MYO15A: variants seen among roughly 807,000 people sequenced by gnomAD.
MYO15A encodes the protein unconventional myosin-XV.
Under a neutral mutation model 394.6 loss-of-function variants are expected in MYO15A, and 308 were observed. The ratio of observed to expected loss-of-function variants is 0.78; its 90% confidence interval spans 0.71 to 0.86. The LOEUF (loss-of-function observed/expected upper bound fraction) is 0.86, where lower values mean the gene tolerates loss of function less well. MYO15A is among the 40% of genes least tolerant of loss of function. The pLI is 0.00. For missense variants in MYO15A, 4,606 were observed against 4,799.1 expected, an observed-to-expected ratio of 0.96 and a Z score of 1.19; for synonymous variants, 1,957 against 2,003.8, an observed-to-expected ratio of 0.98 and a Z score of 0.62.
chr17:18,144,410 T>G, intron 28 of MYO15A, 87 bp from the exon 29 acceptor site: 1 of 1,262,278 alleles, frequency 7.9e-7, no homozygotes, highest in Non-Finnish European at 1.1e-6. Flanking sequence ...CTCATAGGCC[T>G]TGGAGCCCCA....
intron 22 of MYO15A, 130 bp from the exon 23 acceptor site, chr17:18,141,523 A>G (rs1232311202): frequency 4.5e-6 from 4 of 896,984 alleles, no homozygotes; most frequent in Non-Finnish European, 7.4e-6. Context: ...TCAGATTAGA[A>G]TAAACTATTT....
chr17:18,160,717 A>C (rs1255583343), intron 56 of MYO15A: 5 of 203,858 alleles, frequency 2.5e-5, no homozygotes, highest in Non-Finnish European at 4.1e-5. Flanking sequence ...AGGAAGCCCA[A>C]GTGTTGTTCC....
At chr17:18,122,779 G>C (rs529132012) in intron 2 of MYO15A, 2 of 239,488 alleles carry the variant, frequency 8.4e-6, no homozygotes, top group East Asian at 1.9e-4. Context: ...TGAAACTGCC[G>C]GACATGCCTA....
At chr17:18,140,748 T>A (rs1440336873) in intron 20 of MYO15A, 39 bp from the exon 21 acceptor site, 3 of 1,614,024 alleles carry the variant, frequency 1.9e-6, no homozygotes, top group Admixed American at 1.7e-5. Flanking sequence ...CGCCTTCTTT[T>A]TCTGAGGCCT....
chr17:18,130,766 T>C (rs745986102), intron 7 of MYO15A, 39 bp from the exon 8 acceptor site: 3 of 1,613,634 alleles, frequency 1.9e-6, no homozygotes, highest in South Asian at 1.1e-5. Context: ...ATTCTGTTCT[T>C]GTCTGTCTCT....
intron 8 of MYO15A, 48 bp downstream of exon 8, chr17:18,130,858 GTGTGTGTGTGTGTC>G (rs748633151): frequency 8.9e-5 from 137 of 1,532,370 alleles, no homozygotes; most frequent in African/African-American, 4.0e-4. Flanking sequence ...GTGTGTGTGT[GTGTGTGTGTGTGTC>G]TGTCCAGGAA....
In MYO15A at chr17:18,119,284, C is replaced by T. The variant is rs546203218; in HGVS notation, c.484C>T (p.Arg162Cys). 449 of 1,611,848 alleles carry T rather than the reference C, an allele frequency of 2.8e-4. 1 individual carries two copies. The highest frequency in any genetic ancestry group is 2.4e-3 in the South Asian group (222 of 91,072). Residue 162 changes from arginine to cysteine, a missense_variant, in exon 2 of 66, where the codon CGC (arginine) becomes TGC (cysteine). Arg to Cys is a radical substitution (Grantham distance 180). This residue lies in a region of MYO15A where 1,830 missense variants were observed against 1,689.7 expected (regional missense o/e 1.08). Coordinates refer to ENST00000647165, the MANE Select transcript of MYO15A (RefSeq NM_016239.4). ...EQATVDAWLQ[R>C]SSSRMGSRKL... is the part of the protein sequence containing the mutation. ...GGCCACAGTGGACGCCTGGCTGCAG[C>T]GCTCGAGCTCCCGCATGGGCTCCCG...
intron 64 of MYO15A, chr17:18,172,821 C>T: frequency 4.9e-6 from 1 of 205,350 alleles, no homozygotes; most frequent in South Asian, 7.9e-5. Flanking sequence ...TTCATTTTAA[C>T]TTAGTAACCT....
Position 18,166,397 on chromosome 17 carries a change from T to C in MYO15A, c.9824T>C (p.Ile3275Thr). 1 of 1,613,958 alleles carries C rather than the reference T, an allele frequency of 6.2e-7. No homozygotes were observed. Among genetic ancestry groups the C allele is most frequent in the Non-Finnish European group, 8.5e-7 (1 of 1,180,032 alleles). ...HVCPLSRRAYILDVASEMEQV... is the reference protein window; with the variant it reads ...HVCPLSRRAYTLDVASEMEQV... ...TGCCCACTCAGTCGCCGTGCTTACATCCTGGATGTGGCCTCAGAGATGGAG... is the reference window on the plus strand; with the variant it reads ...TGCCCACTCAGTCGCCGTGCTTACACCCTGGATGTGGCCTCAGAGATGGAG... Residue 3275 changes from isoleucine (I) to threonine (T), a missense_variant, in exon 61 of 66, where the codon ATC becomes ACC. Physicochemically the swap from Ile to Thr is moderately conservative, Grantham distance 89. Around this residue, in one of 2 missense-constraint regions of MYO15A, gnomAD observed 2,776 missense variants for 3,109.3 expected, o/e 0.89. Transcript: ENST00000647165.
At chr17:18,161,216 C>T (rs751644832) in intron 56 of MYO15A, 101 bp from the exon 57 acceptor site, 58 of 1,471,934 alleles carry the variant, frequency 3.9e-5, no homozygotes, top group Non-Finnish European at 5.4e-5. Flanking sequence ...GGGACAGGAG[C>T]TGCCTGAGAG....
At chr17:18,115,283 T>A (rs942251225) in intron 1 of MYO15A, among the ~76,000 whole-genome samples, 1 of 152,090 alleles carries the variant, frequency 6.6e-6, no homozygotes, top group Non-Finnish European at 1.5e-5. Context: ...TCACCCTCAC[T>A]CCTGCAGCCG....
In MYO15A at chr17:18,155,351, C is replaced by A; in HGVS notation, c.8378C>A (p.Ser2793Tyr). The A allele has an allele frequency of 6.2e-7, 1 of 1,613,794 alleles. No homozygotes were observed. ...ACTGGTGTGCAGCTCCTAGCTGTGT[C>A]CCACGTGGGCATCAAACTCCTGAGG... ...VGTGVQLLAV[S>Y]HVGIKLLRMV... Residue 2793 changes from serine to tyrosine, a missense_variant, in exon 47 of 66, where the codon TCC (serine) becomes TAC (tyrosine). Coordinates refer to ENST00000647165, the MANE Select transcript of MYO15A (RefSeq NM_016239.4).
At chr17:18,173,718 G>A (rs762606933) in intron 64 of MYO15A, 63 bp from the exon 65 acceptor site, 17 of 1,608,222 alleles carry the variant, frequency 1.1e-5, no homozygotes, top group East Asian at 4.5e-5. Context: ...CAGGGCAGGG[G>A]TAAGAGTGGT....
At position 18,118,921 on chromosome 17, in the gene MYO15A, C is replaced by T. The variant is rs200234990; in HGVS notation, c.121C>T (p.Arg41Cys). 1.2e-6 allele frequency: 2 copies of T among 1,613,752 alleles called. No individual in the cohort carries two copies. Among genetic ancestry groups the T allele is most frequent in the Admixed American group, 1.7e-5 (1 of 60,004 alleles). The change falls in exon 2 of 66, where the codon CGC becomes TGC. Residue 41 changes from arginine (R) to cysteine (C), a missense_variant. By Grantham distance (180) the Arg-to-Cys change is radical (BLOSUM62 -3). Transcript: ENST00000647165. ...KGTSRLFMGF[R>C]DRTPKISKKG... is the part of the protein sequence containing the mutation. ...GACGTCGCGGCTGTTCATGGGCTTC[C>T]GCGACCGTACACCCAAGATCTCCAA... is the stretch of plus-strand genomic sequence containing the variant.
At chr17:18,142,953 CT>C in intron 25 of MYO15A, 113 bp downstream of exon 25, 1 of 889,346 alleles carries the variant, frequency 1.1e-6, no homozygotes, top group Non-Finnish European at 1.8e-6. Context: ...AATTCTGCCT[CT>C]GCCACCCACT....
chr17:18,158,850 G>T (rs1396689993), intron 52 of MYO15A, 75 bp from the exon 53 acceptor site: 8 of 1,563,352 alleles, frequency 5.1e-6, no homozygotes, highest in Non-Finnish European at 5.3e-6. Flanking sequence ...CTCCCTGGGG[G>T]TTCTTTCCCA....
chr17:18,161,554 C>A, intron 57 of MYO15A, 107 bp downstream of exon 57: 1 of 1,479,858 alleles, frequency 6.8e-7, no homozygotes, highest in Non-Finnish European at 9.3e-7. Flanking sequence ...TTCACAGGTG[C>A]TGAGCAATGT....
chr17:18,146,240 G>A (rs567239196), intron 30 of MYO15A, 133 bp downstream of exon 30: 3 of 949,904 alleles, frequency 3.2e-6, no homozygotes, highest in Non-Finnish European at 4.9e-6. Context: ...GGCTGGCCAG[G>A]GCTGCTCTGC....
chr17:18,159,143 C>T, intron 53 of MYO15A, 132 bp from the exon 54 acceptor site: 1 of 1,364,406 alleles, frequency 7.3e-7, no homozygotes, highest in Non-Finnish European at 1.0e-6. Context: ...AGCCTCTGTC[C>T]CCAGTGTTGG....
Sources: allele counts gnomAD v4.1 joint callset (sites outside exome capture counted in the v4.1 genomes callset), GRCh38; gene constraint gnomAD v4.1.1; regional missense constraint gnomAD v4.1.1; transcripts MANE v1.5; gene names NCBI Gene and HGNC (gene_info 2026-07-23, HGNC 2026-07-21).